The following ZNF385D variants were observed in gnomAD, a reference collection of about 807,000 sequenced individuals.
ZNF385D encodes the protein zinc finger protein 385D, also known as zinc finger protein 659.
A neutral mutation model predicts 35.8 loss-of-function variants in ZNF385D; 15 were observed. The observed-to-expected ratio is 0.42, with a 90% CI of 0.28 to 0.64. The LOEUF is 0.64. Ranked by LOEUF, ZNF385D falls within the 30% of genes least tolerant of loss-of-function variation. The pLI is 0.23. For missense variants in ZNF385D, 474 were observed against 494.6 expected, an observed-to-expected ratio of 0.96 and a Z score of 0.39; for synonymous variants, 212 against 186.8, an observed-to-expected ratio of 1.13 and a Z score of -1.10.
chr3:22,239,191 A>G lies in ZNF385D; in HGVS notation c.107-70156T>C, dbSNP rs79433901. On this transcript the variant is annotated intron_variant, in intron 2 of 5. Coordinates refer to the ZNF385D transcript ENST00000494108. The stretch of plus-strand genomic sequence containing the variant: ...TTTCTAGAACAAGAGTTGGAAAACT[A>G]TGATTCATTGCCAAATCTTGCCTGC... 4.3e-3 allele frequency among the ~76,000 whole-genome samples: 648 copies of G among 151,358 alleles called. 48 individuals carry two copies. The highest frequency in any genetic ancestry group is 0.015 in the African/African-American group (597 of 41,034).
intron 4 of ZNF385D, among the ~76,000 whole-genome samples, chr3:21,504,846 C>A (rs1393266858): frequency 6.6e-6 from 1 of 152,092 alleles, no homozygotes; most frequent in Admixed American, 6.6e-5. Flanking sequence ...TTAAAGATTT[C>A]TGAATGGGTA....
intron 3 of ZNF385D, among the ~76,000 whole-genome samples, chr3:21,885,014 A>G (rs1698469995): frequency 6.6e-6 from 1 of 151,614 alleles, no homozygotes; most frequent in Admixed American, 6.6e-5. Context: ...TGCAGTAGAT[A>G]TAACTTGCAG....
chr3:21,586,873 A>ATAAG (rs1249153630), intron 2 of ZNF385D, among the ~76,000 whole-genome samples: 1 of 152,226 alleles, frequency 6.6e-6, no homozygotes, highest in Non-Finnish European at 1.5e-5. Context: ...AAATAAAGAT[A>ATAAG]TAAGTTAAGT....
At chr3:22,362,616 A>G (rs1041897141) in intron 2 of ZNF385D, among the ~76,000 whole-genome samples, 4 of 151,920 alleles carry the variant, frequency 2.6e-5, no homozygotes, top group African/African-American at 9.7e-5. Flanking sequence ...TATCGTTCCG[A>G]CTCTTAAGGA....
intron 3 of ZNF385D, among the ~76,000 whole-genome samples, chr3:21,940,407 T>C (rs913057567): frequency 1.3e-5 from 2 of 152,174 alleles, no homozygotes; most frequent in Admixed American, 6.5e-5. Flanking sequence ...GGCAAGTAAA[T>C]TGGATGTGAA....
chr3:21,686,674 T>G lies in ZNF385D; in HGVS notation c.23-21646A>C, dbSNP rs532678749. Among the ~76,000 whole-genome samples, 22 of 152,340 alleles carry G rather than the reference T, an allele frequency of 1.4e-4. No individual in the cohort carries two copies. In the South Asian group the frequency reaches 4.3e-3, roughly 30 times the overall value. ...ACATACAGCACACCTCAATCTGGAC[T>G]AGCTAATTTTAAGTGTGCAGTCGCC... is the stretch of plus-strand genomic sequence containing the variant. On this transcript the variant is annotated intron_variant, in intron 1 of 7. Transcript: ENST00000281523.
intron 3 of ZNF385D, among the ~76,000 whole-genome samples, chr3:22,109,891 G>T (rs1331538574): frequency 6.6e-6 from 1 of 152,018 alleles, no homozygotes; most frequent in African/African-American, 2.4e-5. Flanking sequence ...CTGACAAAGG[G>T]CTACTCATCT....
At chr3:21,825,236 T>C (rs942526489) in intron 3 of ZNF385D, among the ~76,000 whole-genome samples, 2 of 152,342 alleles carry the variant, frequency 1.3e-5, no homozygotes, top group East Asian at 3.9e-4. Flanking sequence ...CCAAAGGGAC[T>C]TGAGATCCAG....
At chr3:21,798,050 A>G (rs2072232510) in intron 3 of ZNF385D, among the ~76,000 whole-genome samples, 1 of 152,306 alleles carries the variant, frequency 6.6e-6, no homozygotes, top group African/African-American at 2.4e-5. Context: ...TGATGTGTCA[A>G]TGCAAGTTCA....
chr3:22,079,993 T>C (rs1700665440), intron 3 of ZNF385D, among the ~76,000 whole-genome samples: 1 of 152,050 alleles, frequency 6.6e-6, no homozygotes, highest in Non-Finnish European at 1.5e-5. Flanking sequence ...ATTTTAAATA[T>C]ATGTTCAGAG....
At chr3:21,865,692 T>C (rs1015933046) in intron 3 of ZNF385D, among the ~76,000 whole-genome samples, 3 of 152,158 alleles carry the variant, frequency 2.0e-5, no homozygotes, top group Non-Finnish European at 2.9e-5. Flanking sequence ...ACTTAGTTTA[T>C]GGAAGAACTT....
At chr3:22,040,456 G>A (rs963794082) in intron 3 of ZNF385D, among the ~76,000 whole-genome samples, 1 of 152,134 alleles carries the variant, frequency 6.6e-6, no homozygotes, top group African/African-American at 2.4e-5. Context: ...CCAGCAATGT[G>A]ACTCCAAAGG....
At chr3:21,704,619 T>C (rs2067829685) in intron 1 of ZNF385D, among the ~76,000 whole-genome samples, 1 of 151,988 alleles carries the variant, frequency 6.6e-6, no homozygotes, top group Admixed American at 6.6e-5. Context: ...AGCGATTCTT[T>C]TCCCTTAGTC....
At chr3:22,071,257 TA>T (rs761357705) in intron 3 of ZNF385D, among the ~76,000 whole-genome samples, 4 of 152,176 alleles carry the variant, frequency 2.6e-5, no homozygotes, top group Non-Finnish European at 5.9e-5. Context: ...CATTCTTCAG[TA>T]TCTCTATATC....
chr3:21,769,479 A>G (rs1248917160), intron 3 of ZNF385D, among the ~76,000 whole-genome samples: 1 of 128,438 alleles, frequency 7.8e-6, no homozygotes, highest in African/African-American at 3.2e-5. Flanking sequence ...GTGAACTCCC[A>G]TTCACAATTG....
At chr3:21,458,703 C>T (rs1462711925) in intron 4 of ZNF385D, among the ~76,000 whole-genome samples, 1 of 151,220 alleles carries the variant, frequency 6.6e-6, no homozygotes, top group Non-Finnish European at 1.5e-5. Context: ...CACAAAATAC[C>T]AGGTATTCTG....
chr3:22,060,138 T>C (rs1699616059), intron 3 of ZNF385D, among the ~76,000 whole-genome samples: 1 of 152,192 alleles, frequency 6.6e-6, no homozygotes, highest in Admixed American at 6.5e-5. Context: ...TTAACTCCCC[T>C]AATTCCCAGC....
At chr3:21,997,879 G>A (rs1262921057) in intron 3 of ZNF385D, among the ~76,000 whole-genome samples, 3 of 96,356 alleles carry the variant, frequency 3.1e-5, no homozygotes, top group Non-Finnish European at 4.8e-5. Flanking sequence ...GCGCGTGTGT[G>A]TGTGTGTGTG....
At chr3:21,799,012 G>C (rs2072279485) in intron 3 of ZNF385D, among the ~76,000 whole-genome samples, 1 of 152,014 alleles carries the variant, frequency 6.6e-6, no homozygotes, top group Admixed American at 6.6e-5. Flanking sequence ...CAGGTCTATG[G>C]ATTCACCTAT....
Sources: allele counts gnomAD v4.1 joint callset (sites outside exome capture counted in the v4.1 genomes callset), GRCh38; gene constraint gnomAD v4.1.1; transcripts MANE v1.5; gene names NCBI Gene and HGNC (gene_info 2026-07-23, HGNC 2026-07-21).